GRAMD1A: variants seen among roughly 807,000 people sequenced by gnomAD.
GRAMD1A encodes the protein protein Aster-A.
A neutral mutation model predicts 92.0 loss-of-function variants in GRAMD1A; 50 were observed. That is an observed-to-expected ratio of 0.54 (90% CI 0.43 to 0.69). The LOEUF (loss-of-function observed/expected upper bound fraction) is 0.69, where lower values mean the gene tolerates loss of function less well. Ranked by LOEUF, GRAMD1A falls within the 30% of genes least tolerant of loss-of-function variation. The pLI, the probability that GRAMD1A is intolerant of heterozygous loss-of-function variation, is 0.00. For missense variants in GRAMD1A, 819 were observed against 978.9 expected (o/e 0.84, Z 2.18); for synonymous variants, 405 against 403.6 (o/e 1.00, Z -0.04).
At chr19:35,015,632 CTG>C (rs1290335654) in intron 10 of GRAMD1A, 190 bp from the exon 11 acceptor site, 12 of 544,076 alleles carry the variant, frequency 2.2e-5, no homozygotes, top group African/African-American at 3.9e-5. Flanking sequence ...GGCTGTCTGT[CTG>C]GGCCTGGAGC....
At chr19:35,012,931 C>T (rs914318895) in intron 7 of GRAMD1A, 12 of 248,608 alleles carry the variant, frequency 4.8e-5, no homozygotes, top group African/African-American at 2.0e-4. Context: ...GCTGAGATCA[C>T]ACCACTGCAC....
intron 19 of GRAMD1A, among the ~76,000 whole-genome samples, 192 bp from the exon 20 acceptor site, chr19:35,025,857 C>T (rs2016394845): frequency 6.6e-6 from 1 of 152,142 alleles, no homozygotes; most frequent in Non-Finnish European, 1.5e-5. Context: ...ACACACTAAG[C>T]CCCTTCCTCT....
chr19:35,019,560 C>G (rs201802738), intron 13 of GRAMD1A, 27 bp downstream of exon 13: 8 of 1,609,928 alleles, frequency 5.0e-6, no homozygotes, highest in Non-Finnish European at 6.8e-6. Context: ...CCCCTCCACC[C>G]GATGCCCTGG....
rs2016446641 is a variant in GRAMD1A, at chr19:35,026,446, T to A, written c.*305T>A. 3 of 365,910 alleles carry A rather than the reference T, an allele frequency of 8.2e-6. No individual in the cohort carries two copies. The highest frequency in any genetic ancestry group is 1.5e-5 in the Non-Finnish European group (3 of 199,770). 22.7% of individuals were successfully genotyped at this position (365,910 alleles called of 1,614,324 possible). On this transcript the variant is annotated 3_prime_UTR_variant, in exon 20 of 20. Transcript: ENST00000317991. Reference sequence around the variant, plus strand: ...TATTATATTTATTTGGGGCCGACAGTGCCCCAATAAAGGGTCAGAAGTGGC... The same window carrying A: ...TATTATATTTATTTGGGGCCGACAGAGCCCCAATAAAGGGTCAGAAGTGGC...
upstream of GRAMD1A, chr19:34,999,974 C>T: frequency 1.0e-6 from 1 of 984,646 alleles, no homozygotes; most frequent in Non-Finnish European, 1.2e-6. Flanking sequence ...ACCTTCGCCC[C>T]GGCTCTCAGG....
rs143372802 is a variant in GRAMD1A at position 35,001,900 on chromosome 19, G to A, written c.8+1414G>A. Among the ~76,000 whole-genome samples the A allele has an allele frequency of 6.2e-3, 944 of 152,210 alleles. 12 individuals carry two copies. The highest frequency in any genetic ancestry group is 0.021 in the African/African-American group (882 of 41,532). On this transcript the variant is annotated intron_variant, in intron 1 of 19. Transcript: ENST00000317991. ...TGGGATTACAGGCTTAAGCCATCGCGCCTGGCTTGAAACTCTCATTTAGCT... is the reference window on the plus strand; with the variant it reads ...TGGGATTACAGGCTTAAGCCATCGCACCTGGCTTGAAACTCTCATTTAGCT...
At chr19:34,995,577 T>G (rs962214806), upstream of GRAMD1A, among the ~76,000 whole-genome samples, 6 of 118,904 alleles carry the variant, frequency 5.0e-5, no homozygotes, top group African/African-American at 1.7e-4. Flanking sequence ...ACGGGTTTTT[T>G]TTTTTTTTTT....
chr19:35,019,652 G>A lies in GRAMD1A; in HGVS notation c.1475+119G>A, dbSNP rs1199271903. 5.0e-6 allele frequency: 5 copies of A among 991,558 alleles called. No individual in the cohort carries two copies. The African/African-American group carries it at 6.4e-5, about 13-fold the overall frequency. The allele number at this position is 991,558 out of a possible 1,614,324, so 61.4% of individuals were successfully genotyped here. A position where few individuals can be genotyped will look rare whatever the true frequency, so the allele number is the denominator to read the frequency against. ...CCTGGTGGAGGAACAGAAGCGTGGG[G>A]TTCCTGAGGCCCTTGTCCTCCGAAT... On this transcript the variant is annotated intron_variant, in intron 13 of 19. Coordinates refer to ENST00000317991, the MANE Select transcript of GRAMD1A (RefSeq NM_020895.5).
intron 4 of GRAMD1A, 36 bp downstream of exon 4, chr19:35,010,008 A>C: frequency 6.4e-7 from 1 of 1,556,160 alleles, no homozygotes; most frequent in Non-Finnish European, 8.9e-7. Flanking sequence ...CTCCTAGCCC[A>C]GCCCTGTGAC....
chr19:35,022,057 C>G lies in GRAMD1A; in HGVS notation c.1841+19C>G. 6.3e-7 allele frequency: 1 copy of G among 1,582,884 alleles called. No homozygotes were observed. Among genetic ancestry groups the G allele is most frequent in the Non-Finnish European group, 8.7e-7 (1 of 1,152,982 alleles). ...GCATTGTGTGAGTAAGAGACAGGAG[C>G]AGTGGCCACACAGGCCTGAACCTGC... is the stretch of plus-strand genomic sequence containing the variant. On this transcript the variant is annotated intron_variant, in intron 16 of 19. Transcript: ENST00000317991.
At chr19:34,996,737 C>T (rs1219924068), upstream of GRAMD1A, among the ~76,000 whole-genome samples, 2 of 146,778 alleles carry the variant, frequency 1.4e-5, no homozygotes, top group African/African-American at 5.1e-5. Context: ...ACCTGGTAGG[C>T]GGAGGTTGCA....
intron 10 of GRAMD1A, 197 bp from the exon 11 acceptor site, chr19:35,015,623 GCTGT>G (rs1218259044): frequency 9.4e-6 from 5 of 534,738 alleles, no homozygotes; most frequent in Non-Finnish European, 1.7e-5. Flanking sequence ...AAGCACAGTG[GCTGT>G]CTGTCTGGGC....
chr19:35,025,000 G>A (rs998541160), intron 19 of GRAMD1A: 1 of 152,192 alleles, frequency 6.6e-6, no homozygotes, highest in African/African-American at 2.4e-5. Context: ...TGTTGCCCAG[G>A]CTGGTCTCAA....
chr19:35,006,645 T>C (rs1172478799), intron 1 of GRAMD1A, among the ~76,000 whole-genome samples: 1 of 152,168 alleles, frequency 6.6e-6, no homozygotes, highest in Non-Finnish European at 1.5e-5. Flanking sequence ...AGGGGCCATG[T>C]CCTGCGGGCT....
In GRAMD1A at chr19:35,013,397, G is replaced by C. The variant is rs1293053568; in HGVS notation, c.719+29G>C. The C allele has an allele frequency of 6.6e-7, 1 of 1,514,252 alleles. No homozygotes were observed. The highest frequency in any genetic ancestry group is 9.1e-7 in the Non-Finnish European group (1 of 1,104,524). 93.8% of individuals were successfully genotyped at this position (1,514,252 alleles called of 1,614,324 possible). A position where few individuals can be genotyped will look rare whatever the true frequency, so the allele number is the denominator to read the frequency against. ...AGTTGGAGGTCAAAGGAGGTTGAAG[G>C]GTTCGGGGGAGAACAGGACGGTCGG... On this transcript the variant is annotated intron_variant, in intron 8 of 19. Transcript: ENST00000317991. This position sits in a 1 kb window ranked among gnomAD's most constrained non-coding sequence, Gnocchi z 4.9.
At chr19:34,996,128 G>A, upstream of GRAMD1A, 1 of 1,536,094 alleles carries the variant, frequency 6.5e-7, no homozygotes, top group Non-Finnish European at 8.7e-7. Context: ...GCAGCCACAG[G>A]GTGACAGGGC....
At chr19:35,015,647 G>C (rs769777986) in intron 10 of GRAMD1A, 177 bp from the exon 11 acceptor site, 2 of 562,082 alleles carry the variant, frequency 3.6e-6, no homozygotes, top group South Asian at 2.4e-5. Flanking sequence ...CCTGGAGCAC[G>C]TGCCCACCCT....
intron 1 of GRAMD1A, among the ~76,000 whole-genome samples, chr19:35,001,663 A>G (rs537695513): frequency 6.6e-6 from 1 of 151,598 alleles, no homozygotes; most frequent in East Asian, 1.9e-4. Context: ...GCTAGAGTGC[A>G]GTGGCACGAT....
intron 11 of GRAMD1A, among the ~76,000 whole-genome samples, chr19:35,018,239 C>T (rs2015781803): frequency 2.6e-5 from 4 of 152,174 alleles, no homozygotes; most frequent in Admixed American, 1.3e-4. Flanking sequence ...CCTCCTGCCT[C>T]GGCCTCCCAA....
Sources: gnomAD v4.1 joint callset for allele counts (sites outside exome capture counted in the v4.1 genomes callset) on GRCh38, gnomAD v4.1.1 for gene constraint, Gnocchi (gnomAD v3.1) non-coding constraint, MANE v1.5 for transcripts, NCBI Gene and HGNC (gene_info 2026-07-23, HGNC 2026-07-21) for gene names.